ABCA13: variants seen among roughly 807,000 people sequenced by gnomAD.
ABCA13 encodes the protein ATP-binding cassette sub-family A member 13.
In ABCA13, 476 loss-of-function variants were observed where a neutral mutation model predicts 478.7. The ratio of observed to expected loss-of-function variants is 0.99; its 90% CI spans 0.92 to 1.07. The LOEUF (loss-of-function observed/expected upper bound fraction) is 1.07. ABCA13 is among the 50% of genes least tolerant of loss of function. The pLI is 0.00. For missense variants in ABCA13, 6,060 were observed against 5,910.6 expected (o/e 1.03, Z -0.83); for synonymous variants, 2,252 against 2,158.9 (o/e 1.04, Z -1.20).
At chr7:48,501,515 G>A (rs1303677925) in intron 48 of ABCA13, among the ~76,000 whole-genome samples, 1 of 152,116 alleles carries the variant, frequency 6.6e-6, no homozygotes, top group Non-Finnish European at 1.5e-5. Flanking sequence ...TAAAGCCTGT[G>A]CCAAATGAAA....
At position 48,524,276 on chromosome 7, in the gene ABCA13, A is replaced by G. The variant is rs1173742182; in HGVS notation, c.14080A>G (p.Lys4694Glu). 6.2e-7 allele frequency: 1 copy of G among 1,612,408 alleles called. No homozygotes were observed. The change falls in exon 54 of 62, where the codon AAA becomes GAA. Residue 4694 changes from lysine to glutamate, a missense_variant. This residue lies in a region of ABCA13 where 1,627 missense variants were observed against 1,571.0 expected (regional missense o/e 1.04). Transcript: ENST00000435803. ...TCATTCTACTCTCCAAGGCACAGTC[A>G]AATCTTCTAAGGATACAGATGTTGA... is the stretch of plus-strand genomic sequence containing the variant. ...RGHSTLQGTV[K>E]SSKDTDVEKE...
intron 47 of ABCA13, among the ~76,000 whole-genome samples, chr7:48,487,690 A>T (rs1829466553): frequency 6.6e-6 from 1 of 152,172 alleles, no homozygotes; most frequent in South Asian, 2.1e-4. Flanking sequence ...TTCCATAGGC[A>T]GTGGGCTTTT....
At chr7:48,579,786 G>T (rs942413032) in intron 55 of ABCA13, among the ~76,000 whole-genome samples, 14 of 152,110 alleles carry the variant, frequency 9.2e-5, no homozygotes, top group African/African-American at 3.4e-4. Context: ...GTGAGGGGAG[G>T]AAATGTATGG....
chr7:48,520,325 C>G (rs1268994667), intron 53 of ABCA13, 31 bp downstream of exon 53: 1 of 1,554,020 alleles, frequency 6.4e-7, no homozygotes, highest in Admixed American at 2.0e-5. Context: ...CCTCGAGCTG[C>G]ACTTACTCCT....
Position 48,171,568 on chromosome 7 carries a change from G to C in ABCA13, c.69+16G>C. On this transcript the variant is annotated intron_variant, in intron 1 of 61. Transcript: ENST00000435803. ...CAGGAACCCGGTGAGTGCTTGCCTT[G>C]GTTTTCCATAGGGTTCCAGTGAGGT... 6.5e-7 allele frequency: 1 copy of C among 1,536,218 alleles called. No individual in the cohort carries two copies. The highest frequency in any genetic ancestry group is 1.4e-5 in the African/African-American group (1 of 73,098).
chr7:48,313,208 C>A lies in ABCA13; in HGVS notation c.9658C>A (p.Leu3220Ile), dbSNP rs1802032765. Residue 3220 changes from leucine to isoleucine, a missense_variant, in exon 25 of 62, where the codon CTA becomes ATA. Physicochemically the swap from Leu to Ile is conservative, Grantham distance 5. This residue lies in a region of ABCA13 where 4,423 missense variants were observed against 4,309.1 expected (regional missense o/e 1.03). Transcript: ENST00000435803. ...FLHTFKITALLETLDFQQVSQ... is the reference protein window; with the variant it reads ...FLHTFKITALIETLDFQQVSQ... ...TCACACATTTAAAATCACTGCCTTG[C>A]TAGAAACCCTGGACTTTCAACAGGT... 2 of 1,611,732 alleles carry A rather than the reference C, an allele frequency of 1.2e-6. No individual in the cohort carries two copies. The highest frequency in any genetic ancestry group is 1.7e-6 in the Non-Finnish European group (2 of 1,178,784).
At chr7:48,605,303 G>A (rs987133929) in intron 58 of ABCA13, among the ~76,000 whole-genome samples, 2 of 152,194 alleles carry the variant, frequency 1.3e-5, no homozygotes, top group African/African-American at 4.8e-5. Flanking sequence ...CCTGTTAGTT[G>A]ATGCAGTTTC....
intron 8 of ABCA13, among the ~76,000 whole-genome samples, chr7:48,234,715 A>G (rs1201146999): frequency 6.6e-6 from 1 of 152,172 alleles, no homozygotes; most frequent in Non-Finnish European, 1.5e-5. Context: ...TCTTTTAGTT[A>G]CAGAGTCCCT....
chr7:48,277,590 G>T (rs995579526), intron 17 of ABCA13, among the ~76,000 whole-genome samples: 5 of 152,130 alleles, frequency 3.3e-5, no homozygotes, highest in Non-Finnish European at 5.9e-5. Context: ...ACTCTCATGA[G>T]AGAATCTCCC....
At chr7:48,624,059 AGTGTGTGTGTGTGT>A (rs3078326) in intron 59 of ABCA13, among the ~76,000 whole-genome samples, 7 of 142,442 alleles carry the variant, frequency 4.9e-5, no homozygotes, top group East Asian at 2.1e-4. Flanking sequence ...CACATGATAG[AGTGTGTGTGTGTGT>A]GTGTGTGTGT....
intron 45 of ABCA13, among the ~76,000 whole-genome samples, chr7:48,478,111 AT>A (rs1828338104): frequency 6.6e-6 from 1 of 150,804 alleles, no homozygotes; most frequent in African/African-American, 2.4e-5. Flanking sequence ...TGGCTGATTT[AT>A]TTATTTATTT....
Position 48,372,246 on chromosome 7 carries a change from A to G in ABCA13, c.10882A>G (p.Ser3628Gly). 6.2e-7 allele frequency: 1 copy of G among 1,613,910 alleles called. No homozygotes were observed. Among genetic ancestry groups the G allele is most frequent in the Non-Finnish European group, 8.5e-7 (1 of 1,179,860 alleles). Residue 3628 changes from serine (S) to glycine (G), a missense_variant, in exon 33 of 62, where the codon AGC (serine) becomes GGC (glycine). Around this residue, in one of 3 missense-constraint regions of ABCA13, gnomAD observed 4,423 missense variants for 4,309.1 expected, o/e 1.03. Transcript: ENST00000435803. ...GGAGAACATGGCTGTGTTGACCATA[A>G]GCAGTGCTACTCTGGCCATCGTTCT... ...FLENMAVLTI[S>G]SATLAIVLKT...
At chr7:48,276,795 T>C (rs534671468) in intron 17 of ABCA13, among the ~76,000 whole-genome samples, 9 of 152,218 alleles carry the variant, frequency 5.9e-5, no homozygotes, top group Non-Finnish European at 1.2e-4. Flanking sequence ...AATCACGTAT[T>C]ATTCTTACAT....
chr7:48,191,798 C>T (rs1251147173), intron 1 of ABCA13, among the ~76,000 whole-genome samples: 1 of 152,206 alleles, frequency 6.6e-6, no homozygotes, highest in African/African-American at 2.4e-5. Context: ...TTAGGCCACT[C>T]ATCTGGTCAC....
intron 3 of ABCA13, among the ~76,000 whole-genome samples, chr7:48,205,802 T>C (rs1343168679): frequency 1.3e-5 from 2 of 152,230 alleles, no homozygotes; most frequent in African/African-American, 4.8e-5. Flanking sequence ...CTATTGCAAA[T>C]AGTATTTTTT....
At chr7:48,223,958 C>CAA (rs1197606657) in intron 5 of ABCA13, among the ~76,000 whole-genome samples, 796 of 78,492 alleles carry the variant, frequency 0.01, 10 homozygotes, top group African/African-American at 0.029. Flanking sequence ...GACTCGGTCT[C>CAA]AAAAAAAAAA....
At chr7:48,403,552 A>G in intron 38 of ABCA13, 131 bp from the exon 39 acceptor site, 3 of 915,282 alleles carry the variant, frequency 3.3e-6, no homozygotes, top group Non-Finnish European at 5.0e-6. Context: ...TGTGTGTAGC[A>G]TCCACACCTC....
Position 48,295,816 on chromosome 7 carries a change from C to T in ABCA13, c.9072C>T (p.Asp3024=), listed in dbSNP as rs961842785. ...KSSLENATGQ[D]CTSQPRLETV... is the part of the protein sequence containing the mutation. ...GCTTGGAAAATGCCACTGGCCAGGACTGCACAAGCCAGCCGAGGCTGGAGA... is the reference window on the plus strand; with the variant it reads ...GCTTGGAAAATGCCACTGGCCAGGATTGCACAAGCCAGCCGAGGCTGGAGA... Residue 3024 remains aspartate, a synonymous_variant, in exon 21 of 62, where the codon GAC becomes GAT. Transcript: ENST00000435803. 1 of 1,613,836 alleles carries T rather than the reference C, an allele frequency of 6.2e-7. No homozygotes were observed. Among genetic ancestry groups the T allele is most frequent in the South Asian group, 1.1e-5 (1 of 91,072 alleles).
intron 48 of ABCA13, among the ~76,000 whole-genome samples, chr7:48,499,483 A>G (rs2130797214): frequency 6.6e-6 from 1 of 152,356 alleles, no homozygotes; most frequent in South Asian, 2.1e-4. Context: ...TCTTGCTATC[A>G]TAATGGATAT....
Sources: gnomAD v4.1 joint callset for allele counts (sites outside exome capture counted in the v4.1 genomes callset) on GRCh38, gnomAD v4.1.1 for gene constraint, gnomAD v4.1.1 regional missense constraint, MANE v1.5 for transcripts, NCBI Gene and HGNC (gene_info 2026-07-23, HGNC 2026-07-21) for gene names.